The following SLC8A1 variants were observed in gnomAD, a reference collection of about 807,000 sequenced individuals.
SLC8A1 encodes solute carrier family 8 member A1.
A neutral mutation model predicts 68.3 loss-of-function variants in SLC8A1; 18 were observed. The observed-to-expected ratio is 0.26, with a 90% CI of 0.18 to 0.39. The LOEUF (loss-of-function observed/expected upper bound fraction) is 0.39. SLC8A1 is among the 10% of genes least tolerant of loss of function. The probability of loss-of-function intolerance (pLI) is 1.00; values close to 1 mark genes in which losing one functional copy is unlikely to be tolerated. For missense variants in SLC8A1, 985 were observed against 1,156.7 expected (o/e 0.85, Z 2.15); for synonymous variants, 475 against 415.5 (o/e 1.14, Z -1.74).
intron 2 of SLC8A1, among the ~76,000 whole-genome samples, chr2:40,198,827 C>G (rs553027419): frequency 9.2e-5 from 14 of 151,776 alleles, no homozygotes; most frequent in African/African-American, 2.9e-4. Flanking sequence ...TTCACATTAA[C>G]TCAATTGTCA....
chr2:40,335,925 T>A (rs1056863166), intron 2 of SLC8A1, among the ~76,000 whole-genome samples: 3 of 152,196 alleles, frequency 2.0e-5, no homozygotes, highest in Non-Finnish European at 4.4e-5. Flanking sequence ...ACACTGCTAG[T>A]TGGTATATGA....
At position 40,450,351 on chromosome 2, in the gene SLC8A1, A is replaced by T. The variant is rs1445295303; in HGVS notation, c.-25+1553T>A. Among the ~76,000 whole-genome samples, 12 of 149,906 alleles carry T rather than the reference A, an allele frequency of 8.0e-5. No individual in the cohort carries two copies. In the South Asian group the frequency reaches 1.1e-3, roughly 13 times the overall value. ...TTGAGAGAGAAAGAGAAAGCATGTG[A>T]GTGTGTGTGTGTGTGTGTGCACGCG... is the stretch of plus-strand genomic sequence containing the variant. On this transcript the variant is annotated intron_variant, in intron 1 of 7. Transcript: ENST00000406785.
chr2:40,163,391 G>C (rs767622951), intron 5 of SLC8A1, among the ~76,000 whole-genome samples: 3 of 152,186 alleles, frequency 2.0e-5, no homozygotes, highest in Non-Finnish European at 4.4e-5. Flanking sequence ...GCAGGGGCAA[G>C]CTTGCTTCAG....
chr2:40,356,241 G>C (rs1672623085), intron 2 of SLC8A1, among the ~76,000 whole-genome samples: 1 of 152,024 alleles, frequency 6.6e-6, no homozygotes, highest in Non-Finnish European at 1.5e-5. Flanking sequence ...TGCTCCTTAA[G>C]TGTGAAGACT....
intron 1 of SLC8A1, among the ~76,000 whole-genome samples, chr2:40,471,623 C>A (rs1169684533): frequency 6.6e-6 from 1 of 152,068 alleles, no homozygotes; most frequent in Non-Finnish European, 1.5e-5. Context: ...AGGAAGCACA[C>A]CCCTCATTAA....
intron 1 of SLC8A1, among the ~76,000 whole-genome samples, chr2:40,498,837 G>A (rs1705875714): frequency 6.6e-6 from 1 of 152,030 alleles, no homozygotes; most frequent in African/African-American, 2.4e-5. Context: ...TCTTAATAGA[G>A]GAAATTTAAT....
intron 1 of SLC8A1, among the ~76,000 whole-genome samples, chr2:40,444,524 T>C (rs1403473439): frequency 2.6e-5 from 4 of 152,114 alleles, no homozygotes; most frequent in African/African-American, 9.7e-5. Context: ...CAACACCAAT[T>C]GCTAGGATTC....
intron 1 of SLC8A1, among the ~76,000 whole-genome samples, chr2:40,487,751 G>A (rs915435616): frequency 2.6e-5 from 4 of 152,242 alleles, no homozygotes; most frequent in South Asian, 2.1e-4. Flanking sequence ...AGCCCATTGC[G>A]GAACCTGCTC....
rs533858412 is a variant in SLC8A1 at position 40,215,505 on chromosome 2, C to T, written c.1809-37650G>A. Among the ~76,000 whole-genome samples the T allele has an allele frequency of 2.4e-3, 361 of 151,804 alleles. 3 individuals are homozygous for T. The highest frequency in any genetic ancestry group is 4.1e-3 in the Non-Finnish European group (278 of 67,900). ...ACAAAAAATTAGCCGGGCACGGTGG[C>T]GGGCGCCTGTAGTCCCAGCTACTCG... On this transcript the variant is annotated intron_variant, in intron 2 of 7. Transcript: ENST00000406785.
chr2:40,306,638 G>A (rs1224358892), intron 2 of SLC8A1, among the ~76,000 whole-genome samples: 2 of 152,120 alleles, frequency 1.3e-5, no homozygotes, highest in Non-Finnish European at 2.9e-5. Context: ...CTTGGTTCTC[G>A]TGCCAAAGTC....
intron 2 of SLC8A1, among the ~76,000 whole-genome samples, chr2:40,371,543 G>A (rs1678064708): frequency 6.6e-6 from 1 of 152,092 alleles, no homozygotes; most frequent in Non-Finnish European, 1.5e-5. Flanking sequence ...ACCTCTTAGG[G>A]TTTTTGTGAG....
At chr2:40,166,525 GAGGC>G (rs1305290165) in intron 4 of SLC8A1, among the ~76,000 whole-genome samples, 5 of 152,194 alleles carry the variant, frequency 3.3e-5, no homozygotes, top group Non-Finnish European at 5.9e-5. Context: ...AATGTTAGCA[GAGGC>G]AAAGGAGAGG....
intron 2 of SLC8A1, among the ~76,000 whole-genome samples, chr2:40,238,040 A>G (rs980452372): frequency 1.3e-4 from 20 of 152,234 alleles, no homozygotes; most frequent in African/African-American, 1.9e-4. Context: ...AGTCTGCAAA[A>G]GTTACTGCTG....
chr2:40,366,166 A>G (rs1676131958), intron 2 of SLC8A1, among the ~76,000 whole-genome samples: 3 of 152,080 alleles, frequency 2.0e-5, no homozygotes, highest in Admixed American at 2.0e-4. Flanking sequence ...CACCCACCTC[A>G]TAAGGGCACT....
At chr2:40,117,732 G>C (rs1459555538) in intron 7 of SLC8A1, among the ~76,000 whole-genome samples, 1 of 152,134 alleles carries the variant, frequency 6.6e-6, no homozygotes, top group African/African-American at 2.4e-5. Context: ...GAGGTCCTGG[G>C]CATGCTCTGA....
intron 1 of SLC8A1, among the ~76,000 whole-genome samples, chr2:40,487,718 G>C (rs1163049100): frequency 6.6e-6 from 1 of 152,150 alleles, no homozygotes; most frequent in African/African-American, 2.4e-5. Flanking sequence ...GTGACTCCAA[G>C]AGAGGGGAAC....
intron 2 of SLC8A1, among the ~76,000 whole-genome samples, chr2:40,262,538 T>C (rs1208704490): frequency 6.6e-6 from 1 of 152,214 alleles, no homozygotes; most frequent in Non-Finnish European, 1.5e-5. Flanking sequence ...ATTTGATCTA[T>C]TGGTTTGTAA....
At chr2:40,260,129 T>C (rs965666558) in intron 2 of SLC8A1, among the ~76,000 whole-genome samples, 4 of 152,226 alleles carry the variant, frequency 2.6e-5, no homozygotes, top group Non-Finnish European at 5.9e-5. Context: ...TCCAAGAAAG[T>C]GAACACAGGC....
intron 2 of SLC8A1, among the ~76,000 whole-genome samples, chr2:40,371,202 C>T (rs976748839): frequency 6.6e-6 from 1 of 152,082 alleles, no homozygotes; most frequent in Non-Finnish European, 1.5e-5. Context: ...ACAGGAAAGT[C>T]TAGATTTAGT....
Sources: allele counts gnomAD v4.1 joint callset (sites outside exome capture counted in the v4.1 genomes callset), GRCh38; gene constraint gnomAD v4.1.1; transcripts MANE v1.5; gene names NCBI Gene and HGNC (gene_info 2026-07-23, HGNC 2026-07-21).